Variants in CBFA2T3 observed in about 807,000 individuals in gnomAD.
CBFA2T3 encodes transcriptional corepressor CBFA2T3.
Under a neutral mutation model 58.6 loss-of-function variants are expected in CBFA2T3, and 31 were observed. That is an observed-to-expected ratio of 0.53 (90% confidence interval 0.40 to 0.71). The LOEUF is 0.71. Among genes scored for constraint, CBFA2T3 ranks in the 30% least tolerant of loss-of-function variants. The pLI, the probability that CBFA2T3 is intolerant of heterozygous loss-of-function variation, is 0.00. For synonymous variants in CBFA2T3, 531 were observed against 421.9 expected, an observed-to-expected ratio of 1.26 and a Z score of -3.17; for missense variants, 1,076 against 963.1, an observed-to-expected ratio of 1.12 and a Z score of -1.55.
At chr16:88,962,460 G>A (rs1487437585) in intron 1 of CBFA2T3, among the ~76,000 whole-genome samples, 6 of 152,236 alleles carry the variant, frequency 3.9e-5, no homozygotes, top group Admixed American at 6.5e-5. Flanking sequence ...TGTGGGGGAC[G>A]CTGAGGCTTC....
At chr16:88,883,143 C>T (rs544671290) in intron 7 of CBFA2T3, 97 of 317,984 alleles carry the variant, frequency 3.1e-4, no homozygotes, top group African/African-American at 1.9e-3. Context: ...TCCTCAGCCA[C>T]TGGCCGGGAA....
In CBFA2T3 at chr16:88,890,028, C is replaced by T. The variant is rs555111023; in HGVS notation, c.711+1854G>A. Among the ~76,000 whole-genome samples, 11 of 144,272 alleles carry T rather than the reference C, an allele frequency of 7.6e-5. No homozygotes were observed. The South Asian group carries it at 2.3e-3, about 30-fold the overall frequency. 94.6% of individuals were successfully genotyped at this position (144,272 alleles called of 152,430 possible). ...TTTCAAATCCCTGGACGATGCCCCG[C>T]GATTCCTCCTCCTCCAGGGGACGTT... On this transcript the variant is annotated intron_variant, in intron 5 of 11. Coordinates refer to ENST00000268679, the MANE Select transcript of CBFA2T3 (RefSeq NM_005187.6).
At chr16:88,921,485 G>A (rs546009291) in intron 1 of CBFA2T3, among the ~76,000 whole-genome samples, 4 of 152,298 alleles carry the variant, frequency 2.6e-5, no homozygotes, top group East Asian at 3.9e-4. Flanking sequence ...CCAGGGCGGC[G>A]AGTGGGCCCC....
chr16:88,881,736 G>A lies in CBFA2T3; in HGVS notation c.1204-247C>T, dbSNP rs566206430. On this transcript the variant is annotated intron_variant, in intron 8 of 11. Transcript: ENST00000268679. ...GTGCCTAGACGCACGCAGGAGTTTG[G>A]GATTCTCCTTTTTAACCCGCTCAGC... 20 of 468,234 alleles carry A rather than the reference G, an allele frequency of 4.3e-5. No individual in the cohort carries two copies. The South Asian group carries it at 6.9e-4, about 16-fold the overall frequency. The allele number at this position is 468,234 out of a possible 1,614,324, so 29.0% of individuals were successfully genotyped here.
rs140658992 is a variant in CBFA2T3, at chr16:88,942,946, C to T, written c.151+33711G>A. ...CCCACCCCACAGTACAGTGCGAGTCCCCATGCGGTGGGTGTGTTGCCTAAG... is the reference window on the plus strand; with the variant it reads ...CCCACCCCACAGTACAGTGCGAGTCTCCATGCGGTGGGTGTGTTGCCTAAG... On this transcript the variant is annotated intron_variant, in intron 1 of 11. Transcript: ENST00000268679. Among the ~76,000 whole-genome samples the T allele has an allele frequency of 6.4e-3, 977 of 152,208 alleles. 11 individuals carry two copies. Among genetic ancestry groups the T allele is most frequent in the Non-Finnish European group, 0.011 (771 of 68,014 alleles).
chr16:88,975,903 C>T (rs1478956403), intron 1 of CBFA2T3, among the ~76,000 whole-genome samples: 2 of 152,240 alleles, frequency 1.3e-5, no homozygotes, highest in East Asian at 1.9e-4. Context: ...GAGAGCCCCG[C>T]GAGACGGGAG....
At chr16:88,971,012 G>A (rs1972642654) in intron 1 of CBFA2T3, among the ~76,000 whole-genome samples, 1 of 152,196 alleles carries the variant, frequency 6.6e-6, no homozygotes, top group African/African-American at 2.4e-5. Context: ...GGCAGCCGGG[G>A]CTGTGAGTGC....
At chr16:88,911,572 C>G (rs79736548) in intron 1 of CBFA2T3, among the ~76,000 whole-genome samples, 5,455 of 152,334 alleles carry the variant, frequency 0.036, 190 homozygotes, top group African/African-American at 0.085. Flanking sequence ...GTTGGCTTTT[C>G]CGTCTCCTAA....
rs142287585 is a variant in CBFA2T3 at position 88,945,910 on chromosome 16, C to T, written c.151+30747G>A. Reference sequence around the variant, plus strand: ...ATTCGTTTTTACCAAAACTTAGAAGCGACTGAGACCGCCTTCAACAGGTGA... The same window carrying T: ...ATTCGTTTTTACCAAAACTTAGAAGTGACTGAGACCGCCTTCAACAGGTGA... On this transcript the variant is annotated intron_variant, in intron 1 of 11. Coordinates refer to ENST00000268679, the MANE Select transcript of CBFA2T3 (RefSeq NM_005187.6). Among the ~76,000 whole-genome samples the T allele has an allele frequency of 2.9e-3, 438 of 152,284 alleles. 4 individuals are homozygous for T. The highest frequency in any genetic ancestry group is 0.022 in the East Asian group (116 of 5,190).
chr16:88,916,589 A>G lies in CBFA2T3; in HGVS notation c.152-14933T>C, dbSNP rs543057471. Among the ~76,000 whole-genome samples the G allele has an allele frequency of 1.3e-3, 149 of 118,036 alleles. 1 individual carries two copies. Among genetic ancestry groups the G allele is most frequent in the African/African-American group, 4.7e-3 (145 of 30,726 alleles). 77.4% of individuals were successfully genotyped at this position (118,036 alleles called of 152,430 possible). ...TCCGGCCTGAGTGAAAGGTGGTCTG[A>G]TCTGCAGACAGAGCTTCTCTGGAAG... On this transcript the variant is annotated intron_variant, in intron 1 of 11. Coordinates refer to ENST00000268679, the MANE Select transcript of CBFA2T3 (RefSeq NM_005187.6).
chr16:88,889,671 C>A (rs1375503483), intron 5 of CBFA2T3, among the ~76,000 whole-genome samples: 1 of 152,080 alleles, frequency 6.6e-6, no homozygotes, highest in Non-Finnish European at 1.5e-5. Flanking sequence ...TGTGAGAGAC[C>A]TTCCTGAAGC....
intron 3 of CBFA2T3, among the ~76,000 whole-genome samples, chr16:88,897,542 C>T (rs1410686549): frequency 6.6e-6 from 1 of 152,254 alleles, no homozygotes; most frequent in Non-Finnish European, 1.5e-5. Context: ...CTGCTGAGCT[C>T]TCAGCATGTG....
chr16:88,915,993 G>A (rs1970706639), intron 1 of CBFA2T3, among the ~76,000 whole-genome samples: 1 of 152,050 alleles, frequency 6.6e-6, no homozygotes, highest in Non-Finnish European at 1.5e-5. Context: ...TGTGTCCATG[G>A]GTGCCTGTGT....
intron 1 of CBFA2T3, among the ~76,000 whole-genome samples, chr16:88,952,951 TGTGTCGAGACGGCATGTCCAGGACC>T (rs1324166678): frequency 4.3e-5 from 6 of 140,740 alleles, no homozygotes; most frequent in African/African-American, 1.6e-4. Flanking sequence ...ACGCAGGGCC[TGTGTCGAGACGGCATGTCCAGGACC>T]CCCACGCAGG....
intron 1 of CBFA2T3, among the ~76,000 whole-genome samples, chr16:88,915,070 G>C (rs1012099070): frequency 2.6e-5 from 4 of 151,614 alleles, no homozygotes; most frequent in Non-Finnish European, 4.4e-5. Context: ...CACCCTGGGA[G>C]TCCTGGGGGT....
rs963504723 is a variant in CBFA2T3 at position 88,941,091 on chromosome 16, T to C, written c.151+35566A>G. ...CGCGACTCGGTCCGGGAGTCGCTGCTCCTTCCAGCTTGGTCCCCGCCTCCA... is the reference window on the plus strand; with the variant it reads ...CGCGACTCGGTCCGGGAGTCGCTGCCCCTTCCAGCTTGGTCCCCGCCTCCA... On this transcript the variant is annotated intron_variant, in intron 1 of 11. Coordinates refer to ENST00000268679, the MANE Select transcript of CBFA2T3 (RefSeq NM_005187.6). 16 of 984,042 alleles carry C rather than the reference T, an allele frequency of 1.6e-5. No individual in the cohort carries two copies. In the African/African-American group the frequency reaches 2.5e-4, roughly 15 times the overall value. 61.0% of individuals were successfully genotyped at this position (984,042 alleles called of 1,614,324 possible).
chr16:88,941,762 C>T (rs1971744031), intron 1 of CBFA2T3: 2 of 149,924 alleles, frequency 1.3e-5, no homozygotes, highest in Admixed American at 1.3e-4. Flanking sequence ...GCAGGCCGCG[C>T]ACACCCACCT....
intron 1 of CBFA2T3, among the ~76,000 whole-genome samples, chr16:88,964,576 C>T (rs1972448285): frequency 1.3e-5 from 2 of 152,340 alleles, no homozygotes; most frequent in African/African-American, 4.8e-5. Context: ...TCTGAATCAC[C>T]TGGGCTGCCC....
Position 88,885,257 on chromosome 16 carries a change from G to C in CBFA2T3, c.906C>G (p.Asn302Lys). The C allele has an allele frequency of 2.6e-6, 4 of 1,551,076 alleles. No homozygotes were observed. The South Asian group carries it at 4.8e-5, about 19-fold the overall frequency. ...KRRTPDRTKE[N>K]GSDRDPLHPE... ...GGTGCAGCGGGTCGCGGTCTGACCCGTTCTCTTTGGTCCTAGCCCCAAGAG... is the reference window on the plus strand; with the variant it reads ...GGTGCAGCGGGTCGCGGTCTGACCCCTTCTCTTTGGTCCTAGCCCCAAGAG... The change falls in exon 7 of 12, where the codon AAC becomes AAG. Residue 302 changes from asparagine (N) to lysine (K), a missense_variant. Physicochemically the swap from Asn to Lys is moderately conservative, Grantham distance 94. Coordinates refer to ENST00000268679, the MANE Select transcript of CBFA2T3 (RefSeq NM_005187.6). This position sits in a 1 kb window ranked among gnomAD's most constrained non-coding sequence, Gnocchi z 5.3.
Sources: allele counts gnomAD v4.1 joint callset (sites outside exome capture counted in the v4.1 genomes callset), GRCh38; gene constraint gnomAD v4.1.1; non-coding constraint Gnocchi (gnomAD v3.1); transcripts MANE v1.5; gene names NCBI Gene and HGNC (gene_info 2026-07-23, HGNC 2026-07-21).